The following STARD4 variants were observed in gnomAD, a reference collection of about 807,000 sequenced individuals.
STARD4 encodes StAR related lipid transfer domain containing 4.
Under a neutral mutation model 24.9 loss-of-function variants are expected in STARD4, and 33 were observed. That is an observed-to-expected ratio of 1.32 (90% CI 1.00 to 1.77). The LOEUF (loss-of-function observed/expected upper bound fraction) is 1.77. STARD4 is among the 40% of genes most tolerant of loss of function. The pLI is 0.00. For synonymous variants in STARD4, 88 were observed against 77.4 expected (o/e 1.14, Z -0.72); for missense variants, 238 against 249.3 (o/e 0.95, Z 0.31).
Position 111,499,845 on chromosome 5 carries a change from A to G in STARD4, c.*41T>C, listed in dbSNP as rs762983697. ...TTTTTACAGGCCATGTAGCTGAGAG[A>G]GTTGATCTGTAGTACTACAAGTTTG... On this transcript the variant is annotated 3_prime_UTR_variant, in exon 6 of 6. Transcript: ENST00000296632. 28 of 1,542,036 alleles carry G rather than the reference A, an allele frequency of 1.8e-5. No homozygotes were observed. Among genetic ancestry groups the G allele is most frequent in the Non-Finnish European group, 2.4e-5 (27 of 1,117,190 alleles).
chr5:111,504,662 AT>A (rs1286662930), intron 3 of STARD4, among the ~76,000 whole-genome samples: 1 of 152,168 alleles, frequency 6.6e-6, no homozygotes, highest in Non-Finnish European at 1.5e-5. Flanking sequence ...CCAAACTTAT[AT>A]TATCTCCCCC....
intron 1 of STARD4, among the ~76,000 whole-genome samples, chr5:111,509,549 C>G (rs1757096667): frequency 6.6e-6 from 1 of 152,054 alleles, no homozygotes; most frequent in African/African-American, 2.4e-5. Context: ...TTCCTGGATT[C>G]CCCTGAACCT....
chr5:111,501,824 G>A, intron 4 of STARD4, 138 bp downstream of exon 4: 1 of 1,197,116 alleles, frequency 8.4e-7, no homozygotes, highest in East Asian at 2.4e-5. Context: ...ACTCCCCTGT[G>A]ATATCTTTGT....
rs1481596414 is a variant in STARD4 at position 111,507,253 on chromosome 5, A to T, written c.105+76T>A. 8.2e-7 allele frequency: 1 copy of T among 1,213,858 alleles called. No homozygotes were observed. The highest frequency in any genetic ancestry group is 1.2e-6 in the Non-Finnish European group (1 of 847,402). The allele number at this position is 1,213,858 out of a possible 1,614,324, so 75.2% of individuals were successfully genotyped here. Reference sequence around the variant, plus strand: ...GTATGGTCTTTGTCCATATTGTTCCATTTAATTTTAAAAGTCATCAACCAA... The same window carrying T: ...GTATGGTCTTTGTCCATATTGTTCCTTTTAATTTTAAAAGTCATCAACCAA... On this transcript the variant is annotated intron_variant, in intron 2 of 5. Coordinates refer to ENST00000296632, the MANE Select transcript of STARD4 (RefSeq NM_139164.3). This position sits in a 1 kb window ranked among gnomAD's most constrained non-coding sequence, Gnocchi z 4.4.
At position 111,496,566 on chromosome 5, in the gene STARD4, A is replaced by G. The variant is rs1432936612; in HGVS notation, c.*3320T>C. 1.3e-5 allele frequency: 2 copies of G among 152,166 alleles called. No homozygotes were observed. Among genetic ancestry groups the G allele is most frequent in the Non-Finnish European group, 2.9e-5 (2 of 67,988 alleles). 9.4% of individuals were successfully genotyped at this position (152,166 alleles called of 1,614,324 possible). On this transcript the variant is annotated 3_prime_UTR_variant, in exon 6 of 6. Coordinates refer to ENST00000296632, the MANE Select transcript of STARD4 (RefSeq NM_139164.3). Reference sequence around the variant, plus strand: ...TCTTGAGAAAAGAGTTAAAGCTTTTATTTGTATGAAAGGCAATTACTCAGC... The same window carrying G: ...TCTTGAGAAAAGAGTTAAAGCTTTTGTTTGTATGAAAGGCAATTACTCAGC...
rs143239767 is a variant in STARD4, at chr5:111,502,017, C to T, written c.227G>A (p.Arg76His). Residue 76 changes from arginine (R) to histidine (H), a missense_variant, in exon 4 of 6, where the codon CGT becomes CAT. Coordinates refer to ENST00000296632, the MANE Select transcript of STARD4 (RefSeq NM_139164.3). Reference protein sequence around the residue: ...IIDHIRPGPCRLDWDSLMTSL... With the variant: ...IIDHIRPGPCHLDWDSLMTSL... Reference sequence around the variant, plus strand: ...AGTCATCAAGCTGTCCCAATCCAAACGACAAGGCCCTGGGCGTATATGGTC... The same window carrying T: ...AGTCATCAAGCTGTCCCAATCCAAATGACAAGGCCCTGGGCGTATATGGTC... 162 of 1,614,122 alleles carry T rather than the reference C, an allele frequency of 1.0e-4. 1 individual carries two copies. In the African/African-American group the frequency reaches 1.7e-3, roughly 17 times the overall value.
chr5:111,501,862 T>C (rs1756475218), intron 4 of STARD4, 100 bp downstream of exon 4: 7 of 1,481,682 alleles, frequency 4.7e-6, no homozygotes, highest in Non-Finnish European at 6.4e-6. Context: ...AAGCAATGAA[T>C]ATAAGTGTGT....
rs1252436079 is a variant in STARD4 at position 111,497,498 on chromosome 5, A to G, written c.*2388T>C. 2 of 152,094 alleles carry G rather than the reference A, an allele frequency of 1.3e-5. No individual in the cohort carries two copies. Among genetic ancestry groups the G allele is most frequent in the Non-Finnish European group, 2.9e-5 (2 of 67,936 alleles). The allele number at this position is 152,094 out of a possible 1,614,324, so 9.4% of individuals were successfully genotyped here. ...GCTTGCCCAAATTTGTAAAATGCAT[A>G]CCAGATTTCAAAAAATTAGTACAAG... On this transcript the variant is annotated 3_prime_UTR_variant, in exon 6 of 6. Transcript: ENST00000296632.
chr5:111,510,952 C>A (rs919286295), intron 1 of STARD4, among the ~76,000 whole-genome samples: 1 of 152,196 alleles, frequency 6.6e-6, no homozygotes, highest in Non-Finnish European at 1.5e-5. Flanking sequence ...GGTATCAGAA[C>A]GGTCTAACCT....
Position 111,500,648 on chromosome 5 carries a change from T to G in STARD4, c.397+354A>C, listed in dbSNP as rs898522903. 3.2e-6 allele frequency: 4 copies of G among 1,245,290 alleles called. No homozygotes were observed. The African/African-American group carries it at 6.3e-5, about 20-fold the overall frequency. 77.1% of individuals were successfully genotyped at this position (1,245,290 alleles called of 1,614,324 possible). On this transcript the variant is annotated intron_variant, in intron 5 of 5. Transcript: ENST00000296632. ...ACAGCTCAAGGAAGGAAGAATATTC[T>G]AAGACACACCAAATCTAGTACTTCT...
intron 3 of STARD4, chr5:111,505,063 T>C (rs765694196): frequency 2.2e-6 from 1 of 452,714 alleles, no homozygotes; most frequent in South Asian, 1.6e-5. Flanking sequence ...AAAAAACCAG[T>C]GTTTCTCATA....
rs1354525260 is a variant in STARD4 at position 111,499,000 on chromosome 5, AC to A, written c.*885del. 1 of 152,106 alleles carries A rather than the reference AC, an allele frequency of 6.6e-6. No individual in the cohort carries two copies. Among genetic ancestry groups the A allele is most frequent in the African/African-American group, 2.4e-5 (1 of 41,438 alleles). The allele number at this position is 152,106 out of a possible 1,614,324, so 9.4% of individuals were successfully genotyped here. Reference sequence around the variant, plus strand: ...TAGCATGTATTTCAGGGCTCACTTTACCCATATTAACAACAACAAAACAGTA... The same window carrying A: ...TAGCATGTATTTCAGGGCTCACTTTACCATATTAACAACAACAAAACAGTA... On this transcript the variant is annotated 3_prime_UTR_variant, in exon 6 of 6. Transcript: ENST00000296632.
At chr5:111,502,338 A>G (rs1441318272) in intron 3 of STARD4, among the ~76,000 whole-genome samples, 1 of 151,516 alleles carries the variant, frequency 6.6e-6, no homozygotes, top group Non-Finnish European at 1.5e-5. Flanking sequence ...GCATGGTGGC[A>G]TGCGCCTGTA....
rs1756959614 is a variant in STARD4 at position 111,507,571 on chromosome 5, A to C, written c.-9-129T>G. The stretch of plus-strand genomic sequence containing the variant: ...TAAAAGATAGCTACCCTCACCCCAA[A>C]TCAACTAATCATAATCTCTGAGAGT... On this transcript the variant is annotated intron_variant, in intron 1 of 5. Transcript: ENST00000296632. This position sits in a 1 kb window ranked among gnomAD's most constrained non-coding sequence, Gnocchi z 4.4. The C allele has an allele frequency of 1.7e-6, 1 of 573,346 alleles. No homozygotes were observed. Among genetic ancestry groups the C allele is most frequent in the Non-Finnish European group, 2.9e-6 (1 of 339,902 alleles). The allele number at this position is 573,346 out of a possible 1,614,324, so 35.5% of individuals were successfully genotyped here. A position where few individuals can be genotyped will look rare whatever the true frequency, so the allele number is the denominator to read the frequency against.
chr5:111,499,898 T>C lies in STARD4; in HGVS notation c.606A>G (p.Arg202=), dbSNP rs748968811. ...TGTATTTTGCCTCTCATAAAGCTTT[T>C]CGTAAATCACCATAGAAGTTGGTTA... is the stretch of plus-strand genomic sequence containing the variant. The part of the protein sequence containing the change: ...STLTNFYGDL[R]KAL The change falls in exon 6 of 6, where the codon CGA becomes CGG. Residue 202 remains arginine, a synonymous_variant. Transcript: ENST00000296632. 1 of 1,614,094 alleles carries C rather than the reference T, an allele frequency of 6.2e-7. No homozygotes were observed. Among genetic ancestry groups the C allele is most frequent in the Non-Finnish European group, 8.5e-7 (1 of 1,179,980 alleles).
rs766663499 is a variant in STARD4, at chr5:111,506,355, G to A, written c.130C>T (p.Pro44Ser). 7 of 1,504,966 alleles carry A rather than the reference G, an allele frequency of 4.7e-6. 1 individual carries two copies. In the African/African-American group the frequency reaches 5.6e-5, roughly 12 times the overall value. 93.2% of individuals were successfully genotyped at this position (1,504,966 alleles called of 1,614,324 possible). ...AGATATCCATTAAATTCTTCTGAGG[G>A]TTTTCTCCAAACAGTTACATCTTTC... Reference protein sequence around the residue: ...KTKDVTVWRKPSEEFNGYLYK... With the variant: ...KTKDVTVWRKSSEEFNGYLYK... Residue 44 changes from proline to serine, a missense_variant, in exon 3 of 6, where the codon CCC (proline) becomes TCC (serine). By Grantham distance (74) the Pro-to-Ser change is moderately conservative. Transcript: ENST00000296632.
chr5:111,499,699 A>T lies in STARD4; in HGVS notation c.*187T>A. The T allele has an allele frequency of 3.3e-6, 2 of 598,048 alleles. No individual in the cohort carries two copies. Among genetic ancestry groups the T allele is most frequent in the South Asian group, 2.2e-5 (1 of 45,780 alleles). 37.0% of individuals were successfully genotyped at this position (598,048 alleles called of 1,614,324 possible). On this transcript the variant is annotated 3_prime_UTR_variant, in exon 6 of 6. Coordinates refer to ENST00000296632, the MANE Select transcript of STARD4 (RefSeq NM_139164.3). ...GCCTGTCTCAAAATTTAAAAAAAAA[A>T]AAGTGAAAATGCCCTCTCTTAGATA...
intron 1 of STARD4, among the ~76,000 whole-genome samples, chr5:111,511,718 G>T (rs910791528): frequency 2.0e-5 from 3 of 152,174 alleles, no homozygotes; most frequent in African/African-American, 7.2e-5. Context: ...CTGATCACAG[G>T]CTGGAAAAGA....
chr5:111,507,391 T>TAGTTGCAA lies in STARD4; in HGVS notation c.42_43insTTGCAACT (p.Lys15LeufsTer27). 1 of 1,613,714 alleles carries TAGTTGCAA rather than the reference T, an allele frequency of 6.2e-7. No individual in the cohort carries two copies. Among genetic ancestry groups the TAGTTGCAA allele is most frequent in the South Asian group, 1.1e-5 (1 of 90,992 alleles). ...CTATGGTACTGGATGAGAGTGTTTTTAAGTTTAGTTGCAAAAGAAGCAACA... is the reference window on the plus strand; with the variant it reads ...CTATGGTACTGGATGAGAGTGTTTTTAGTTGCAAAAGTTTAGTTGCAAAAGAAGCAACA... On this transcript the variant is annotated frameshift_variant, in exon 2 of 6. Transcript: ENST00000296632. LOFTEE classifies it high-confidence loss of function. This position sits in a 1 kb window ranked among gnomAD's most constrained non-coding sequence, Gnocchi z 4.4.
Sources: gnomAD v4.1 joint callset for allele counts (sites outside exome capture counted in the v4.1 genomes callset) on GRCh38, gnomAD v4.1.1 for gene constraint, Gnocchi (gnomAD v3.1) non-coding constraint, MANE v1.5 for transcripts, NCBI Gene and HGNC (gene_info 2026-07-23, HGNC 2026-07-21) for gene names.